Variants in MDGA2 observed in about 807,000 individuals in gnomAD.
The protein encoded by MDGA2 is MAM domain containing glycosylphosphatidylinositol anchor 2.
Under a neutral mutation model 117.8 loss-of-function variants are expected in MDGA2, and 40 were observed. The observed-to-expected ratio is 0.34, with a 90% confidence interval of 0.26 to 0.44. MDGA2 has a LOEUF of 0.44. Ranked by LOEUF, MDGA2 falls within the 20% of genes least tolerant of loss-of-function variation. The probability of loss-of-function intolerance (pLI) is 1.00; values close to 1 mark genes in which losing one functional copy is unlikely to be tolerated. For missense variants in MDGA2, 1,123 were observed against 1,250.6 expected (o/e 0.90, Z 1.54); for synonymous variants, 452 against 439.0 (o/e 1.03, Z -0.37).
Position 47,053,271 on chromosome 14 carries a change from G to C in MDGA2, c.1525+7978C>G, listed in dbSNP as rs1356942570. On this transcript the variant is annotated intron_variant, in intron 7 of 16. Transcript: ENST00000399232. ...TGCTTCTTATTCTCTTCTTGGGTGA[G>C]CCCATCTGTTTCAAATTAATACAAT... is the stretch of plus-strand genomic sequence containing the variant. Among the ~76,000 whole-genome samples, 3 of 151,530 alleles carry C rather than the reference G, an allele frequency of 2.0e-5. No individual in the cohort carries two copies. The Admixed American group carries it at 2.0e-4, about 10-fold the overall frequency.
chr14:47,445,349 C>CACCT (rs1007458168), intron 1 of MDGA2, among the ~76,000 whole-genome samples: 13 of 152,116 alleles, frequency 8.5e-5, no homozygotes, highest in African/African-American at 3.1e-4. Flanking sequence ...CCACCTTCAT[C>CACCT]ACCTGGCTGT....
chr14:47,508,739 G>C (rs1468540380), intron 1 of MDGA2, among the ~76,000 whole-genome samples: 1 of 152,106 alleles, frequency 6.6e-6, no homozygotes, highest in Non-Finnish European at 1.5e-5. Context: ...GAGTGCTGTG[G>C]TGCCATCACG....
At chr14:47,598,052 C>A (rs534629456) in intron 1 of MDGA2, among the ~76,000 whole-genome samples, 2 of 152,214 alleles carry the variant, frequency 1.3e-5, no homozygotes, top group South Asian at 4.1e-4. Context: ...CTGCCATAAC[C>A]ATGCAAAAAG....
intron 7 of MDGA2, among the ~76,000 whole-genome samples, chr14:47,036,241 G>C (rs35510816): frequency 7.9e-6 from 1 of 127,340 alleles, no homozygotes; most frequent in African/African-American, 3.0e-5. Flanking sequence ...CTGCACTCCA[G>C]CCTGGGCGAC....
chr14:47,383,558 A>C (rs1173450188), intron 1 of MDGA2, among the ~76,000 whole-genome samples: 1 of 151,962 alleles, frequency 6.6e-6, no homozygotes, highest in Non-Finnish European at 1.5e-5. Flanking sequence ...CTTTTTTTCG[A>C]GACAGGGTCT....
At chr14:47,109,160 A>C (rs925229304) in intron 5 of MDGA2, among the ~76,000 whole-genome samples, 1 of 152,130 alleles carries the variant, frequency 6.6e-6, no homozygotes, top group African/African-American at 2.4e-5. Flanking sequence ...TTGTCCATAA[A>C]ATTTTCTTGT....
intron 1 of MDGA2, among the ~76,000 whole-genome samples, chr14:47,633,501 TGTTA>T (rs1442023452): frequency 6.6e-6 from 1 of 152,242 alleles, no homozygotes; most frequent in Non-Finnish European, 1.5e-5. Flanking sequence ...AAATGTGAGA[TGTTA>T]GTTTATGTTG....
intron 6 of MDGA2, among the ~76,000 whole-genome samples, chr14:47,094,167 C>T (rs1025139968): frequency 3.9e-5 from 6 of 151,930 alleles, no homozygotes; most frequent in Non-Finnish European, 8.8e-5. Flanking sequence ...CTTCTAAATT[C>T]AGTAAGATTA....
At chr14:47,408,059 T>A (rs78036094) in intron 1 of MDGA2, among the ~76,000 whole-genome samples, 1 of 145,350 alleles carries the variant, frequency 6.9e-6, no homozygotes, top group Non-Finnish European at 1.5e-5. Context: ...GATTATTCTT[T>A]TTTTTTTTTT....
At chr14:47,053,358 T>C (rs1022430770) in intron 7 of MDGA2, among the ~76,000 whole-genome samples, 4 of 151,756 alleles carry the variant, frequency 2.6e-5, no homozygotes, top group East Asian at 1.9e-4. Flanking sequence ...GATTTTCTAA[T>C]TGCTCACCAG....
At chr14:47,101,550 T>G (rs536272007) in intron 5 of MDGA2, among the ~76,000 whole-genome samples, 2 of 152,152 alleles carry the variant, frequency 1.3e-5, no homozygotes, top group Admixed American at 1.3e-4. Context: ...GACAAGGACA[T>G]AGTCATCTCA....
intron 6 of MDGA2, among the ~76,000 whole-genome samples, chr14:47,074,490 C>T (rs1363163104): frequency 2.0e-5 from 3 of 152,130 alleles, no homozygotes; most frequent in African/African-American, 7.2e-5. Context: ...TTAGTTGAGA[C>T]GGGGTTTCAC....
chr14:47,185,426 A>G (rs540447248), intron 3 of MDGA2, among the ~76,000 whole-genome samples: 37 of 151,564 alleles, frequency 2.4e-4, no homozygotes, highest in Non-Finnish European at 4.7e-4. Context: ...TAATGAAGCT[A>G]AAGGTCAGAA....
intron 1 of MDGA2, among the ~76,000 whole-genome samples, chr14:47,372,956 T>TA (rs758058568): frequency 2.6e-5 from 4 of 151,744 alleles, no homozygotes; most frequent in East Asian, 1.9e-4. Flanking sequence ...TTTTAAATGA[T>TA]AAAAAAAATT....
At chr14:47,464,281 C>A (rs1893554645) in intron 1 of MDGA2, among the ~76,000 whole-genome samples, 1 of 151,898 alleles carries the variant, frequency 6.6e-6, no homozygotes, top group Non-Finnish European at 1.5e-5. Flanking sequence ...CTCTTTCTCA[C>A]AAGTATTTGA....
chr14:47,107,401 G>C (rs926607139), intron 5 of MDGA2, among the ~76,000 whole-genome samples: 1 of 151,980 alleles, frequency 6.6e-6, no homozygotes, highest in African/African-American at 2.4e-5. Flanking sequence ...CTCAATACCT[G>C]CCTCTACAAC....
chr14:47,613,566 T>C (rs1321844726), intron 1 of MDGA2, among the ~76,000 whole-genome samples: 1 of 151,834 alleles, frequency 6.6e-6, no homozygotes, highest in Non-Finnish European at 1.5e-5. Context: ...GCAGAAATAT[T>C]ATTTATTGTG....
At chr14:47,451,382 G>A (rs1048860358) in intron 1 of MDGA2, among the ~76,000 whole-genome samples, 3 of 152,040 alleles carry the variant, frequency 2.0e-5, no homozygotes, top group Non-Finnish European at 2.9e-5. Context: ...TGATCACTTT[G>A]CTCATTTCCA....
At chr14:47,167,228 C>A (rs1177091150) in intron 3 of MDGA2, among the ~76,000 whole-genome samples, 1 of 151,818 alleles carries the variant, frequency 6.6e-6, no homozygotes, top group Non-Finnish European at 1.5e-5. Flanking sequence ...TTTAAAGTAA[C>A]TGGATAAAAC....
Sources: allele counts gnomAD v4.1 joint callset (sites outside exome capture counted in the v4.1 genomes callset), GRCh38; gene constraint gnomAD v4.1.1; transcripts MANE v1.5; gene names NCBI Gene and HGNC (gene_info 2026-07-23, HGNC 2026-07-21).